VAV3: variants seen among roughly 807,000 people sequenced by gnomAD.
The protein encoded by VAV3 is vav guanine nucleotide exchange factor 3, also known as guanine nucleotide exchange factor VAV3.
A neutral mutation model predicts 131.2 loss-of-function variants in VAV3; 94 were observed. That is an observed-to-expected ratio of 0.72 (90% confidence interval 0.61 to 0.85). The LOEUF is 0.85. VAV3 is among the 40% of genes least tolerant of loss of function. The pLI, the probability that VAV3 is intolerant of heterozygous loss-of-function variation, is 0.00. For missense variants in VAV3, 939 were observed against 1,002.7 expected, an observed-to-expected ratio of 0.94 and a Z score of 0.86; for synonymous variants, 349 against 342.0, an observed-to-expected ratio of 1.02 and a Z score of -0.22.
intron 21 of VAV3, among the ~76,000 whole-genome samples, chr1:107,615,719 C>T (rs752568696): frequency 9.9e-5 from 15 of 152,028 alleles, no homozygotes; most frequent in South Asian, 2.1e-4. Context: ...GTCTAATATC[C>T]AGCATCTATA....
At chr1:107,908,617 C>G (rs959396373) in intron 1 of VAV3, among the ~76,000 whole-genome samples, 11 of 151,992 alleles carry the variant, frequency 7.2e-5, no homozygotes, top group African/African-American at 2.7e-4. Flanking sequence ...CTCTTCGGGC[C>G]TTTGGTGAGA....
chr1:107,963,964 G>A (rs1344558485), intron 1 of VAV3, among the ~76,000 whole-genome samples: 1 of 152,208 alleles, frequency 6.6e-6, no homozygotes, highest in Non-Finnish European at 1.5e-5. Flanking sequence ...CACAGCACCT[G>A]AGCAGGGCAC....
intron 2 of VAV3, among the ~76,000 whole-genome samples, chr1:107,855,483 G>T (rs1450173357): frequency 6.6e-6 from 1 of 151,994 alleles, no homozygotes; most frequent in East Asian, 1.9e-4. Flanking sequence ...TTGCCATGTT[G>T]CCCAGGCTGG....
intron 25 of VAV3, among the ~76,000 whole-genome samples, chr1:107,595,436 C>G (rs1651298023): frequency 6.6e-6 from 1 of 151,946 alleles, no homozygotes. Flanking sequence ...GTTGCTTAGG[C>G]TAAAGATTCT....
chr1:107,875,590 GA>G (rs773740591), intron 1 of VAV3, among the ~76,000 whole-genome samples: 31 of 152,138 alleles, frequency 2.0e-4, no homozygotes, highest in Non-Finnish European at 4.4e-4. Context: ...GTAATGGGGG[GA>G]AAAGGAGGAA....
intron 15 of VAV3, among the ~76,000 whole-genome samples, chr1:107,732,552 GA>G (rs1416121503): frequency 3.3e-5 from 5 of 152,218 alleles, no homozygotes; most frequent in Admixed American, 3.3e-4. Context: ...AGCACACCAG[GA>G]AATTATAACC....
intron 2 of VAV3, among the ~76,000 whole-genome samples, chr1:107,781,747 T>A (rs1275989118): frequency 2.0e-5 from 3 of 152,200 alleles, no homozygotes; most frequent in Non-Finnish European, 4.4e-5. Flanking sequence ...AATTTCTTCC[T>A]GGTCAACTAT....
intron 9 of VAV3, among the ~76,000 whole-genome samples, chr1:107,764,506 T>A (rs1326645322): frequency 6.6e-6 from 1 of 152,218 alleles, no homozygotes; most frequent in African/African-American, 2.4e-5. Context: ...AAATGTCATA[T>A]TTTTAGTAAA....
At chr1:107,697,194 C>G (rs765612357) in intron 17 of VAV3, among the ~76,000 whole-genome samples, 18 of 152,148 alleles carry the variant, frequency 1.2e-4, no homozygotes, top group Non-Finnish European at 2.4e-4. Context: ...TGGAATGATA[C>G]AGAGATTCTT....
intron 1 of VAV3, among the ~76,000 whole-genome samples, chr1:107,896,083 G>A (rs1379677432): frequency 1.3e-5 from 2 of 152,148 alleles, no homozygotes; most frequent in African/African-American, 2.4e-5. Flanking sequence ...ACAAGCACCT[G>A]CAGGATTCTA....
chr1:107,943,540 C>T (rs899605129), intron 1 of VAV3, among the ~76,000 whole-genome samples: 2 of 152,126 alleles, frequency 1.3e-5, no homozygotes, highest in Admixed American at 1.3e-4. Flanking sequence ...GTCAAGAGAT[C>T]GAGACCATCT....
chr1:107,653,761 T>G (rs546738441), intron 19 of VAV3, among the ~76,000 whole-genome samples: 3 of 151,544 alleles, frequency 2.0e-5, no homozygotes, highest in Non-Finnish European at 4.4e-5. Context: ...TGTGTCTTCA[T>G]TTTTTGAAAA....
intron 2 of VAV3, among the ~76,000 whole-genome samples, chr1:107,802,019 A>T (rs999477989): frequency 6.6e-6 from 1 of 152,080 alleles, no homozygotes; most frequent in Non-Finnish European, 1.5e-5. Flanking sequence ...ATAGGTATAC[A>T]TGTGCCATCT....
At chr1:107,679,185 A>G (rs550572364) in intron 19 of VAV3, among the ~76,000 whole-genome samples, 73 of 152,304 alleles carry the variant, frequency 4.8e-4, no homozygotes, top group Non-Finnish European at 8.7e-4. Flanking sequence ...GGAAGTGACC[A>G]TCTTTGAAGA....
At chr1:107,690,802 C>T (rs976018489) in intron 17 of VAV3, among the ~76,000 whole-genome samples, 12 of 152,246 alleles carry the variant, frequency 7.9e-5, no homozygotes, top group African/African-American at 2.9e-4. Flanking sequence ...TGCCTTTCTC[C>T]TTGCTATCCC....
rs1414705592 is a variant in VAV3 at position 107,807,022 on chromosome 1, G to A, written c.322-27530C>T. The stretch of plus-strand genomic sequence containing the variant: ...TTAATGACAAGGAAAAAGGATGTAC[G>A]TGTTCAGTACAGATGCTTTTTTCCT... On this transcript the variant is annotated intron_variant, in intron 2 of 26. Coordinates refer to ENST00000370056, the MANE Select transcript of VAV3 (RefSeq NM_006113.5). Among the ~76,000 whole-genome samples, 5 of 152,142 alleles carry A rather than the reference G, an allele frequency of 3.3e-5. No individual in the cohort carries two copies. In the East Asian group the frequency reaches 5.8e-4, roughly 18 times the overall value.
intron 25 of VAV3, among the ~76,000 whole-genome samples, chr1:107,583,455 G>C (rs1187213273): frequency 1.3e-5 from 2 of 152,168 alleles, no homozygotes; most frequent in African/African-American, 4.8e-5. Flanking sequence ...GTTAGGAAAA[G>C]AGGAAGTCAA....
chr1:107,721,269 A>C (rs1453212318), intron 15 of VAV3, among the ~76,000 whole-genome samples: 1 of 152,188 alleles, frequency 6.6e-6, no homozygotes, highest in Non-Finnish European at 1.5e-5. Flanking sequence ...TAATTAAAGT[A>C]AGAAGACTCA....
At chr1:107,767,065 T>C (rs1557833021) in intron 7 of VAV3, among the ~76,000 whole-genome samples, 2 of 152,244 alleles carry the variant, frequency 1.3e-5, no homozygotes, top group Admixed American at 1.3e-4. Flanking sequence ...AAATAATGAC[T>C]CATGTCCTTG....
Sources: allele counts gnomAD v4.1 joint callset (sites outside exome capture counted in the v4.1 genomes callset), GRCh38; gene constraint gnomAD v4.1.1; transcripts MANE v1.5; gene names NCBI Gene and HGNC (gene_info 2026-07-23, HGNC 2026-07-21).